HYKK: variants seen among roughly 807,000 people sequenced by gnomAD.
HYKK encodes the protein hydroxylysine kinase.
HYKK carries 19 observed loss-of-function variants against 29.7 expected under a neutral mutation model. That is an observed-to-expected ratio of 0.64 (90% CI 0.45 to 0.94). The LOEUF (loss-of-function observed/expected upper bound fraction) is 0.94. Among genes scored for constraint, HYKK ranks in the 40% least tolerant of loss-of-function variants. The probability of loss-of-function intolerance (pLI) is 0.00; values close to 1 mark genes in which losing one functional copy is unlikely to be tolerated. For missense variants in HYKK, 390 were observed against 443.4 expected (o/e 0.88, Z 1.08); for synonymous variants, 152 against 158.1 (o/e 0.96, Z 0.29).
In HYKK at chr15:78,520,344, T is replaced by G. The variant is rs537539721; in HGVS notation, c.477+5237T>G. On this transcript the variant is annotated intron_variant, in intron 3 of 4. Transcript: ENST00000388988. ...GAGGGAAGGTCAGCAGATAAACAAG[T>G]GAACAAAGGTCTCTGGTTTTCCTAG... is the stretch of plus-strand genomic sequence containing the variant. 7.8e-3 allele frequency among the ~76,000 whole-genome samples: 1,179 copies of G among 152,062 alleles called. 17 individuals are homozygous for G. Among genetic ancestry groups the G allele is most frequent in the African/African-American group, 0.027 (1,118 of 41,500 alleles).
At chr15:78,513,528 G>C (rs944959132) in intron 2 of HYKK, 103 bp downstream of exon 2, 1 of 813,272 alleles carries the variant, frequency 1.2e-6, no homozygotes, top group Non-Finnish European at 1.9e-6. Flanking sequence ...TCCAAGTGTA[G>C]ATGTGGTTGT....
chr15:78,525,304 C>T (rs550042713), intron 3 of HYKK, among the ~76,000 whole-genome samples: 152 of 151,082 alleles, frequency 1.0e-3, no homozygotes, highest in African/African-American at 3.5e-3. Flanking sequence ...TACAGGCACC[C>T]GCCACCACAC....
intron 2 of HYKK, among the ~76,000 whole-genome samples, chr15:78,514,206 G>A (rs185082392): frequency 7.0e-4 from 107 of 152,140 alleles, no homozygotes; most frequent in South Asian, 1.7e-3. Flanking sequence ...TGGAAATCAG[G>A]AAATCAGGAA....
intron 3 of HYKK, among the ~76,000 whole-genome samples, chr15:78,517,169 C>T (rs1364018383): frequency 8.9e-5 from 12 of 134,660 alleles, no homozygotes; most frequent in African/African-American, 1.4e-4. Context: ...TGGAGTGCAA[C>T]GCTGTGACCT....
intron 3 of HYKK, among the ~76,000 whole-genome samples, chr15:78,520,827 G>C (rs999220468): frequency 2.7e-5 from 4 of 149,372 alleles, no homozygotes; most frequent in African/African-American, 9.8e-5. Context: ...GGGCAGAGGC[G>C]CCCCTCACCT....
chr15:78,515,228 AG>A lies in HYKK; in HGVS notation c.477+124del, dbSNP rs529959530. ...TGGTGCTACCTAAGGTATGTTATGA[AG>A]GGAATGGAGTCCTAGAGTGCATACA... On this transcript the variant is annotated intron_variant, in intron 3 of 4. Coordinates refer to ENST00000388988, the MANE Select transcript of HYKK (RefSeq NM_001013619.4). The A allele has an allele frequency of 2.3e-4, 148 of 651,878 alleles. No individual in the cohort carries two copies. In the East Asian group the frequency reaches 4.7e-3, roughly 21 times the overall value. 40.4% of individuals were successfully genotyped at this position (651,878 alleles called of 1,614,324 possible).
intron 4 of HYKK, among the ~76,000 whole-genome samples, chr15:78,529,822 A>G (rs2052292502): frequency 6.6e-6 from 1 of 151,514 alleles, no homozygotes; most frequent in Admixed American, 6.6e-5. Flanking sequence ...TTCATGGTAC[A>G]GTATGTTTGG....
chr15:78,509,028 A>C (rs956451494), intron 1 of HYKK, among the ~76,000 whole-genome samples: 9 of 152,044 alleles, frequency 5.9e-5, no homozygotes, highest in African/African-American at 2.2e-4. Flanking sequence ...AGACTGGGTG[A>C]CAGAGACCTT....
At chr15:78,508,899 A>AAAAAAAAAAAAAAAAG (rs1195358707) in intron 1 of HYKK, among the ~76,000 whole-genome samples, 1 of 148,562 alleles carries the variant, frequency 6.7e-6, no homozygotes, top group Non-Finnish European at 1.5e-5. Flanking sequence ...AAAAAAAAAA[A>AAAAAAAAAAAAAAAAG]AGGCCAGGCA....
chr15:78,529,522 A>G (rs2052290212), intron 4 of HYKK, among the ~76,000 whole-genome samples: 1 of 152,224 alleles, frequency 6.6e-6, no homozygotes. Flanking sequence ...AGCAGAGTGT[A>G]AAAGTTTTCA....
intron 1 of HYKK, among the ~76,000 whole-genome samples, chr15:78,509,513 C>T (rs148354150): frequency 9.3e-4 from 141 of 152,304 alleles, no homozygotes; most frequent in African/African-American, 3.2e-3. Flanking sequence ...TTGGCCTTCA[C>T]CAGTTGCCTC....
Position 78,533,523 on chromosome 15 carries a change from G to C in HYKK, c.975G>C (p.Gln325His). 1 of 1,613,796 alleles carries C rather than the reference G, an allele frequency of 6.2e-7. No individual in the cohort carries two copies. Among genetic ancestry groups the C allele is most frequent in the African/African-American group, 1.3e-5 (1 of 75,022 alleles). The part of the protein sequence containing the change: ...QSLVMAAYSC[Q>H]LYPENKDYLM... ...TTGTCATGGCTGCATACTCTTGCCA[G>C]CTATACCCAGAGAACAAAGACTATC... The change falls in exon 5 of 5, where the codon CAG (glutamine) becomes CAC (histidine). Residue 325 changes from glutamine (Q) to histidine (H), a missense_variant. Transcript: ENST00000388988.
At chr15:78,514,512 T>C (rs1407478443) in intron 2 of HYKK, among the ~76,000 whole-genome samples, 5 of 152,228 alleles carry the variant, frequency 3.3e-5, no homozygotes, top group Non-Finnish European at 7.3e-5. Context: ...GACACAGTTA[T>C]TGTCCTGTGT....
At chr15:78,527,728 G>A (rs1163564539) in intron 4 of HYKK, 165 bp downstream of exon 4, 1 of 1,385,630 alleles carries the variant, frequency 7.2e-7, no homozygotes, top group East Asian at 2.7e-5. Context: ...CCTCAAAATT[G>A]CTACATTTGA....
At chr15:78,524,758 A>G (rs548988213) in intron 3 of HYKK, among the ~76,000 whole-genome samples, 10 of 152,214 alleles carry the variant, frequency 6.6e-5, no homozygotes, top group Admixed American at 3.3e-4. Context: ...GCAGTGAGCC[A>G]GGATCGCGCC....
intron 3 of HYKK, among the ~76,000 whole-genome samples, chr15:78,520,576 A>T (rs1046788546): frequency 2.0e-5 from 3 of 152,286 alleles, no homozygotes; most frequent in African/African-American, 4.8e-5. Context: ...GATCAACAGG[A>T]TCCCAAGGCA....
Position 78,527,494 on chromosome 15 carries a change from G to C in HYKK, c.592G>C (p.Glu198Gln). ...TGCCCTGGGCCAGAATCGAAACCGA[G>C]AGATTGTTGAGCATGTCATTCATCT... Reference protein sequence around the residue: ...LYALGQNRNREIVEHVIHLFK... With the variant: ...LYALGQNRNRQIVEHVIHLFK... Residue 198 changes from glutamate (E) to glutamine (Q), a missense_variant, in exon 4 of 5, where the codon GAG (glutamate) becomes CAG (glutamine). Physicochemically the swap from Glu to Gln is conservative, Grantham distance 29. Transcript: ENST00000388988. 1 of 1,614,142 alleles carries C rather than the reference G, an allele frequency of 6.2e-7. No individual in the cohort carries two copies. The highest frequency in any genetic ancestry group is 8.5e-7 in the Non-Finnish European group (1 of 1,180,038).
chr15:78,512,991 C>T (rs1404803140), intron 1 of HYKK, 93 bp from the exon 2 acceptor site: 3 of 689,912 alleles, frequency 4.3e-6, no homozygotes, highest in Non-Finnish European at 7.5e-6. Context: ...ACAGAATCAA[C>T]AGAAACATTA....
Position 78,515,125 on chromosome 15 carries a change from AT to A in HYKK, c.477+22del. The A allele has an allele frequency of 6.5e-7, 1 of 1,528,044 alleles. No individual in the cohort carries two copies. The highest frequency in any genetic ancestry group is 8.8e-7 in the Non-Finnish European group (1 of 1,136,666). The allele number at this position is 1,528,044 out of a possible 1,614,324, so 94.7% of individuals were successfully genotyped here. A position where few individuals can be genotyped will look rare whatever the true frequency, so the allele number is the denominator to read the frequency against. Reference sequence around the variant, plus strand: ...CACTGCAGGTAAGATTTGGGGCTTTATTTTATTCTAAGGGATGTTTGTTTGC... The same window carrying A: ...CACTGCAGGTAAGATTTGGGGCTTTATTTATTCTAAGGGATGTTTGTTTGC... On this transcript the variant is annotated intron_variant, in intron 3 of 4. Coordinates refer to ENST00000388988, the MANE Select transcript of HYKK (RefSeq NM_001013619.4).
Sources: allele counts gnomAD v4.1 joint callset (sites outside exome capture counted in the v4.1 genomes callset), GRCh38; gene constraint gnomAD v4.1.1; transcripts MANE v1.5; gene names NCBI Gene and HGNC (gene_info 2026-07-23, HGNC 2026-07-21).